The following ALMS1 variants were observed in gnomAD, a reference collection of about 807,000 sequenced individuals.
ALMS1 encodes the protein centrosome-associated protein ALMS1.
In ALMS1, 271 loss-of-function variants were observed where a neutral mutation model predicts 352.2. That is an observed-to-expected ratio of 0.77 (90% CI 0.70 to 0.85). ALMS1 has a LOEUF of 0.85. ALMS1 is among the 40% of genes least tolerant of loss of function. The probability of loss-of-function intolerance (pLI) is 0.00; values close to 1 mark genes in which losing one functional copy is unlikely to be tolerated. For missense variants in ALMS1, 5,445 were observed against 4,870.7 expected, an observed-to-expected ratio of 1.12 and a Z score of -3.51; for synonymous variants, 1,865 against 1,761.2, an observed-to-expected ratio of 1.06 and a Z score of -1.48.
Position 73,453,906 on chromosome 2 carries a change from G to C in ALMS1, c.7379G>C (p.Arg2460Thr). 5.6e-6 allele frequency: 9 copies of C among 1,614,098 alleles called. No homozygotes were observed. The highest frequency in any genetic ancestry group is 7.6e-6 in the Non-Finnish European group (9 of 1,180,004). ...VSPKTSITDS[R>T]EEEGVSESED... ...CCCAAGACAAGTATAACAGATAGCAGGGAGGAAGAGGGTGTGTCAGAGAGT... is the reference window on the plus strand; with the variant it reads ...CCCAAGACAAGTATAACAGATAGCACGGAGGAAGAGGGTGTGTCAGAGAGT... Residue 2460 changes from arginine to threonine, a missense_variant, in exon 8 of 23, where the codon AGG (arginine) becomes ACG (threonine). By Grantham distance (71) the Arg-to-Thr change is moderately conservative. Transcript: ENST00000613296.
chr2:73,573,408 G>A lies in ALMS1; in HGVS notation c.11531G>A (p.Arg3844Lys). ...GHPLVTSEHTRRRHIQVANHV... is the reference protein window; with the variant it reads ...GHPLVTSEHTKRRHIQVANHV... ...CCCCTAGTGACTTCTGAGCACACCAGAAGGAGACACATCCAGGTACATGGC... is the reference window on the plus strand; with the variant it reads ...CCCCTAGTGACTTCTGAGCACACCAAAAGGAGACACATCCAGGTACATGGC... Residue 3844 changes from arginine (R) to lysine (K), a missense_variant, in exon 16 of 23, where the codon AGA becomes AAA. By Grantham distance (26) the Arg-to-Lys change is conservative (BLOSUM62 2). Coordinates refer to ENST00000613296, the MANE Select transcript of ALMS1 (RefSeq NM_001378454.1). 6.2e-7 allele frequency: 1 copy of A among 1,614,030 alleles called. No homozygotes were observed. Among genetic ancestry groups the A allele is most frequent in the Non-Finnish European group, 8.5e-7 (1 of 1,179,992 alleles).
chr2:73,422,766 G>T, intron 3 of ALMS1, 91 bp from the exon 4 acceptor site: 1 of 985,746 alleles, frequency 1.0e-6, no homozygotes, highest in Admixed American at 1.7e-5. Flanking sequence ...TCTCCATATG[G>T]CAGCATATGT....
intron 6 of ALMS1, among the ~76,000 whole-genome samples, chr2:73,428,038 A>AATAAT (rs1285443330): frequency 1.3e-5 from 2 of 152,200 alleles, no homozygotes; most frequent in Admixed American, 6.5e-5. Context: ...TATTACATTT[A>AATAAT]TTAAAGTTTT....
chr2:73,552,658 A>G (rs1486941627), intron 13 of ALMS1, among the ~76,000 whole-genome samples: 1 of 152,222 alleles, frequency 6.6e-6, no homozygotes, highest in African/African-American at 2.4e-5. Flanking sequence ...TCCTAAGGAA[A>G]AGCCCTCCTC....
At chr2:73,522,852 T>C (rs1216776678) in intron 11 of ALMS1, among the ~76,000 whole-genome samples, 4 of 152,180 alleles carry the variant, frequency 2.6e-5, no homozygotes, top group Non-Finnish European at 5.9e-5. Context: ...TGCCTCTAGG[T>C]GTTAATCATA....
Position 73,572,512 on chromosome 2 carries a change from A to G in ALMS1, c.10635A>G (p.Ile3545Met), listed in dbSNP as rs760321819. The change falls in exon 16 of 23, where the codon ATA becomes ATG. Residue 3545 changes from isoleucine (I) to methionine (M), a missense_variant. Transcript: ENST00000613296. ...MDKTKTDYTR[I>M]KSLSINVNLG... ...AGACTAAGACAGATTATACCAGAAT[A>G]AAGAGCCTCAGCATCAATGTGAATT... 6.8e-6 allele frequency: 11 copies of G among 1,613,732 alleles called. No homozygotes were observed. Among genetic ancestry groups the G allele is most frequent in the Non-Finnish European group, 9.3e-6 (11 of 1,179,996 alleles).
chr2:73,520,820 A>G (rs937017341), intron 11 of ALMS1, among the ~76,000 whole-genome samples: 1 of 152,234 alleles, frequency 6.6e-6, no homozygotes, highest in East Asian at 1.9e-4. Context: ...ATTTAGAATT[A>G]GACCAAATTG....
chr2:73,455,321 A>C, intron 9 of ALMS1, 26 bp downstream of exon 9: 1 of 1,613,022 alleles, frequency 6.2e-7, no homozygotes, highest in Non-Finnish European at 8.5e-7. Context: ...GGAAATGAAG[A>C]AAGTAAATAT....
At position 73,572,587 on chromosome 2, in the gene ALMS1, T is replaced by G. The variant is rs1228796765; in HGVS notation, c.10710T>G (p.Tyr3570Ter). 1 of 1,613,826 alleles carries G rather than the reference T, an allele frequency of 6.2e-7. No homozygotes were observed. The highest frequency in any genetic ancestry group is 1.1e-5 in the South Asian group (1 of 91,048). ...MDTTKSQVRDYPKHNGQISDP... is the reference protein window; with the variant it reads ...MDTTKSQVRD ...CTACTAAAAGTCAAGTTAGAGATTA[T>G]CCAAAACATAATGGACAAATTAGTG... Residue 3570 changes from tyrosine to a stop codon, truncating the protein, a stop_gained, in exon 16 of 23, where the codon TAT becomes TAG. Coordinates refer to ENST00000613296, the MANE Select transcript of ALMS1 (RefSeq NM_001378454.1). LOFTEE classifies it high-confidence loss of function.
rs568698492 is a variant in ALMS1 at position 73,452,694 on chromosome 2, T to C, written c.6167T>C (p.Ile2056Thr). The part of the protein sequence containing the change: ...SSYSQTVKPN[I>T]LFQQQLPDRD... ...TATTCTCAAACAGTAAAGCCCAATA[T>C]TTTATTTCAACAGCAGTTGCCAGAT... Residue 2056 changes from isoleucine (I) to threonine (T), a missense_variant, in exon 8 of 23, where the codon ATT becomes ACT. Ile to Thr is a moderately conservative substitution (Grantham distance 89). Transcript: ENST00000613296. 3.1e-6 allele frequency: 5 copies of C among 1,613,866 alleles called. No homozygotes were observed. The South Asian group carries it at 5.5e-5, about 18-fold the overall frequency.
intron 12 of ALMS1, among the ~76,000 whole-genome samples, chr2:73,536,112 GGCTATGGT>G (rs1201737534): frequency 5.9e-5 from 9 of 152,170 alleles, no homozygotes; most frequent in African/African-American, 2.2e-4. Context: ...CTCCTTGCAA[GGCTATGGT>G]TTTAAAAACA....
chr2:73,437,598 T>A (rs182744863), intron 7 of ALMS1, among the ~76,000 whole-genome samples: 6 of 152,344 alleles, frequency 3.9e-5, no homozygotes, highest in Admixed American at 3.9e-4. Context: ...TATCTACTGA[T>A]GTACCCAGTT....
In ALMS1 at chr2:73,448,232, A is replaced by G. The variant is rs1671846580; in HGVS notation, c.1705A>G (p.Thr569Ala). Residue 569 changes from threonine (T) to alanine (A), a missense_variant, in exon 8 of 23, where the codon ACA becomes GCA. By Grantham distance (58) the Thr-to-Ala change is moderately conservative. Transcript: ENST00000613296. ...EPADQKTATP[T>A]VLSSSHSHRG... ...AGCTGACCAGAAGACTGCAACACCAACAGTACTCTCTAGTTCCCACTCACA... is the reference window on the plus strand; with the variant it reads ...AGCTGACCAGAAGACTGCAACACCAGCAGTACTCTCTAGTTCCCACTCACA... The G allele has an allele frequency of 7.4e-6, 12 of 1,613,966 alleles. No homozygotes were observed. Among genetic ancestry groups the G allele is most frequent in the Non-Finnish European group, 1.0e-5 (12 of 1,179,910 alleles).
chr2:73,451,722 C>T lies in ALMS1; in HGVS notation c.5195C>T (p.Thr1732Ile), dbSNP rs2103785499. The change falls in exon 8 of 23, where the codon ACT becomes ATT. Residue 1732 changes from threonine (T) to isoleucine (I), a missense_variant. By Grantham distance (89) the Thr-to-Ile change is moderately conservative. Coordinates refer to ENST00000613296, the MANE Select transcript of ALMS1 (RefSeq NM_001378454.1). ...YQQALPDSELTQEALKVSAVP... is the reference protein window; with the variant it reads ...YQQALPDSELIQEALKVSAVP... The stretch of plus-strand genomic sequence containing the variant: ...CAGGCCCTGCCAGACAGTGAGCTAA[C>T]TCAAGAAGCTCTGAAAGTTTCAGCT... The T allele has an allele frequency of 6.2e-7, 1 of 1,613,988 alleles. No individual in the cohort carries two copies. The highest frequency in any genetic ancestry group is 8.5e-7 in the Non-Finnish European group (1 of 1,179,976).
chr2:73,424,524 G>GACTT lies in ALMS1; in HGVS notation c.861_864dup (p.Ala289LeufsTer7). The GACTT allele has an allele frequency of 6.2e-7, 1 of 1,611,526 alleles. No homozygotes were observed. The highest frequency in any genetic ancestry group is 8.5e-7 in the Non-Finnish European group (1 of 1,178,506). On this transcript the variant is annotated frameshift_variant, in exon 5 of 23. Transcript: ENST00000613296. LOFTEE classifies it high-confidence loss of function. ...CCAGGCTACTGCAGAAGTAGCTTCA[G>GACTT]ACTTAGCAAGCAGTCGCTTTAGTGT...
At chr2:73,534,409 TTC>T (rs1378645335) in intron 11 of ALMS1, among the ~76,000 whole-genome samples, 1 of 152,092 alleles carries the variant, frequency 6.6e-6, no homozygotes, top group Admixed American at 6.5e-5. Context: ...CAGGTTAGGG[TTC>T]GATGTAAGAT....
chr2:73,489,175 C>T (rs1474493396), intron 9 of ALMS1, among the ~76,000 whole-genome samples: 1 of 152,210 alleles, frequency 6.6e-6, no homozygotes, highest in East Asian at 1.9e-4. Context: ...AGGTCAAGAA[C>T]TTGATTTTAA....
intron 1 of ALMS1, among the ~76,000 whole-genome samples, chr2:73,395,076 A>ATT (rs1343952124): frequency 2.0e-4 from 22 of 108,260 alleles, no homozygotes; most frequent in African/African-American, 4.0e-4. Flanking sequence ...ATATATATAT[A>ATT]TATTTTTTTT....
At chr2:73,575,071 A>G (rs1488513606) in intron 16 of ALMS1, among the ~76,000 whole-genome samples, 1 of 152,182 alleles carries the variant, frequency 6.6e-6, no homozygotes, top group Non-Finnish European at 1.5e-5. Context: ...TGTTTTGAAT[A>G]TTCATCCATG....
Sources: allele counts gnomAD v4.1 joint callset (sites outside exome capture counted in the v4.1 genomes callset), GRCh38; gene constraint gnomAD v4.1.1; transcripts MANE v1.5; gene names NCBI Gene and HGNC (gene_info 2026-07-23, HGNC 2026-07-21).